PRDM5: variants seen among roughly 807,000 people sequenced by gnomAD.
The protein encoded by PRDM5 is PR domain zinc finger protein 5.
A neutral mutation model predicts 81.2 loss-of-function variants in PRDM5; 56 were observed. That is an observed-to-expected ratio of 0.69 (90% CI 0.56 to 0.86). The LOEUF is 0.86. PRDM5 is among the 40% of genes least tolerant of loss of function. The pLI is 0.00. For synonymous variants in PRDM5, 267 were observed against 256.4 expected, an observed-to-expected ratio of 1.04 and a Z score of -0.39; for missense variants, 697 against 770.1, an observed-to-expected ratio of 0.91 and a Z score of 1.12.
At chr4:120,862,697 T>C (rs1334782009) in intron 2 of PRDM5, among the ~76,000 whole-genome samples, 1 of 152,168 alleles carries the variant, frequency 6.6e-6, no homozygotes, top group Non-Finnish European at 1.5e-5. Context: ...GTAAACAATA[T>C]GGGTTATGTT....
Position 120,811,458 on chromosome 4 carries a change from G to C in PRDM5, c.866-9C>G. 6.6e-7 allele frequency: 1 copy of C among 1,504,196 alleles called. No homozygotes were observed. The highest frequency in any genetic ancestry group is 1.4e-5 in the African/African-American group (1 of 72,684). 93.2% of individuals were successfully genotyped at this position (1,504,196 alleles called of 1,614,324 possible). A position where few individuals can be genotyped will look rare whatever the true frequency, so the allele number is the denominator to read the frequency against. On this transcript the variant is annotated splice_polypyrimidine_tract_variant and intron_variant, in intron 7 of 15. Transcript: ENST00000264808. ...CTTTTTCTTAGGATCTCCTAAAATA[G>C]AAATAAAATACCATGATGATTTAAA...
intron 7 of PRDM5, 197 bp downstream of exon 7, chr4:120,816,256 A>T: frequency 1.2e-6 from 1 of 846,574 alleles, no homozygotes; most frequent in Non-Finnish European, 1.9e-6. Context: ...AATGGGAAAA[A>T]GAACAAATGC....
intron 2 of PRDM5, among the ~76,000 whole-genome samples, chr4:120,897,889 A>G (rs1281751275): frequency 1.3e-5 from 2 of 152,196 alleles, no homozygotes; most frequent in Non-Finnish European, 1.5e-5. Flanking sequence ...TGGTTATTAT[A>G]AAGTCCACAT....
intron 14 of PRDM5, among the ~76,000 whole-genome samples, chr4:120,718,064 TG>T (rs1308497648): frequency 1.3e-5 from 2 of 152,212 alleles, no homozygotes; most frequent in African/African-American, 4.8e-5. Flanking sequence ...TATATAATCA[TG>T]AGTTTGCTTA....
intron 8 of PRDM5, among the ~76,000 whole-genome samples, chr4:120,807,976 T>C (rs1019476072): frequency 9.2e-5 from 14 of 152,204 alleles, no homozygotes; most frequent in Admixed American, 9.2e-4. Flanking sequence ...TGGAGTTGTT[T>C]GCTCCTCCCG....
intron 11 of PRDM5, among the ~76,000 whole-genome samples, chr4:120,784,200 G>A (rs182573727): frequency 1.3e-3 from 191 of 152,132 alleles, no homozygotes; most frequent in Non-Finnish European, 2.0e-3. Flanking sequence ...CTCAATGAAG[G>A]GATATCCTTT....
chr4:120,733,838 C>T (rs369523712), intron 14 of PRDM5, among the ~76,000 whole-genome samples: 17 of 147,800 alleles, frequency 1.2e-4, no homozygotes, highest in South Asian at 6.4e-4. Context: ...TGAATGAATA[C>T]GTGAACTAAG....
chr4:120,892,645 T>C (rs1041171160), intron 2 of PRDM5, among the ~76,000 whole-genome samples: 1 of 152,208 alleles, frequency 6.6e-6, no homozygotes, highest in African/African-American at 2.4e-5. Flanking sequence ...GCAGGACCAC[T>C]GGGCCGGAAG....
intron 2 of PRDM5, among the ~76,000 whole-genome samples, chr4:120,890,656 T>C (rs189367609): frequency 3.3e-5 from 5 of 152,356 alleles, no homozygotes; most frequent in Admixed American, 2.6e-4. Context: ...TTTTTAGTAA[T>C]AGCCATTCTG....
intron 8 of PRDM5, among the ~76,000 whole-genome samples, chr4:120,802,974 A>G (rs1358364573): frequency 6.6e-6 from 1 of 152,196 alleles, no homozygotes; most frequent in Non-Finnish European, 1.5e-5. Context: ...GATTAGACGA[A>G]TGGCTAACTA....
chr4:120,858,830 CT>C (rs1281168855), intron 2 of PRDM5, among the ~76,000 whole-genome samples: 1 of 152,150 alleles, frequency 6.6e-6, no homozygotes, highest in African/African-American at 2.4e-5. Flanking sequence ...AATAAAGTCA[CT>C]TTTTGTGACA....
At chr4:120,732,905 T>C (rs1740472926) in intron 14 of PRDM5, among the ~76,000 whole-genome samples, 1 of 152,230 alleles carries the variant, frequency 6.6e-6, no homozygotes. Context: ...TGGGATATTC[T>C]GTGACTCTAG....
chr4:120,812,724 G>C (rs917029505), intron 7 of PRDM5: 3 of 364,422 alleles, frequency 8.2e-6, no homozygotes, highest in African/African-American at 6.7e-5. Context: ...CTGTGTAAAT[G>C]CTTTCTTTTT....
chr4:120,699,161 A>ATATATATATATAT lies in PRDM5; in HGVS notation c.1729-3887_1729-3886insATATATATATATA, dbSNP rs1560888990. On this transcript the variant is annotated intron_variant, in intron 15 of 15. Coordinates refer to ENST00000264808, the MANE Select transcript of PRDM5 (RefSeq NM_018699.4). ...TGTATAGGCAATTATAGGAAATATA[A>ATATATATATATAT]ATATATATATATATATATATATATA... is the stretch of plus-strand genomic sequence containing the variant. Among the ~76,000 whole-genome samples the ATATATATATATAT allele has an allele frequency of 8.2e-5, 6 of 73,430 alleles. 1 individual carries two copies. The highest frequency in any genetic ancestry group is 1.7e-4 in the Non-Finnish European group (6 of 35,036). 48.2% of individuals were successfully genotyped at this position (73,430 alleles called of 152,430 possible). A position where few individuals can be genotyped will look rare whatever the true frequency, so the allele number is the denominator to read the frequency against.
At chr4:120,722,032 G>A (rs1738687433) in intron 14 of PRDM5, among the ~76,000 whole-genome samples, 1 of 152,182 alleles carries the variant, frequency 6.6e-6, no homozygotes, top group South Asian at 2.1e-4. Context: ...TGGCCAAAGA[G>A]AGAAAGAGTT....
At chr4:120,891,731 G>A (rs1764069004) in intron 2 of PRDM5, among the ~76,000 whole-genome samples, 1 of 152,076 alleles carries the variant, frequency 6.6e-6, no homozygotes, top group Admixed American at 6.6e-5. Flanking sequence ...CTGGGTTCAA[G>A]TAATTCTCCT....
At chr4:120,781,104 C>T in intron 12 of PRDM5, 39 bp downstream of exon 12, 1 of 1,567,640 alleles carries the variant, frequency 6.4e-7, no homozygotes, top group South Asian at 1.1e-5. Context: ...ACTGCTTAAA[C>T]ACGTAATCTG....
At chr4:120,685,166 A>G (rs1733786081) in intron 1 of PRDM5, 1 of 152,050 alleles carries the variant, frequency 6.6e-6, no homozygotes, top group African/African-American at 2.4e-5. Context: ...ATCACTTAAA[A>G]TGTGATTAAT....
intron 3 of PRDM5, among the ~76,000 whole-genome samples, chr4:120,834,402 G>T (rs1006098590): frequency 2.0e-5 from 3 of 152,032 alleles, no homozygotes; most frequent in African/African-American, 7.2e-5. Flanking sequence ...CCCACATAAG[G>T]TTACAGCAAG....
Sources: gnomAD v4.1 joint callset for allele counts (sites outside exome capture counted in the v4.1 genomes callset) on GRCh38, gnomAD v4.1.1 for gene constraint, MANE v1.5 for transcripts, NCBI Gene and HGNC (gene_info 2026-07-23, HGNC 2026-07-21) for gene names.